The following TRAF3 variants were observed in gnomAD, a reference collection of about 807,000 sequenced individuals.
TRAF3 encodes TNF receptor associated factor 3, also known as TNF receptor-associated factor 3.
In TRAF3, 13 loss-of-function variants were observed where a neutral mutation model predicts 62.3. The ratio of observed to expected loss-of-function variants is 0.21; its 90% confidence interval spans 0.14 to 0.33. The LOEUF (loss-of-function observed/expected upper bound fraction) is 0.33. Among genes scored for constraint, TRAF3 ranks in the 10% least tolerant of loss-of-function variants. The probability of loss-of-function intolerance (pLI) is 1.00; values close to 1 mark genes in which losing one functional copy is unlikely to be tolerated. For synonymous variants in TRAF3, 269 were observed against 283.4 expected (o/e 0.95, Z 0.51); for missense variants, 440 against 741.8 (o/e 0.59, Z 4.73).
chr14:102,833,282 A>T (rs1035806534), intron 2 of TRAF3, among the ~76,000 whole-genome samples: 1 of 152,178 alleles, frequency 6.6e-6, no homozygotes, highest in African/African-American at 2.4e-5. Context: ...TGGATGATCT[A>T]CCCTTTCCTT....
Position 102,906,055 on chromosome 14 carries a change from TC to T in TRAF3, c.*272del. On this transcript the variant is annotated 3_prime_UTR_variant, in exon 12 of 12. Coordinates refer to ENST00000392745, the MANE Select transcript of TRAF3 (RefSeq NM_145725.3). ...AGGTTTTCATTTTCATTTTTAAAGA[TC>T]TAGTTAATTAAGGTGGAAAACATAT... The T allele has an allele frequency of 2.6e-6, 1 of 389,238 alleles. No individual in the cohort carries two copies. The highest frequency in any genetic ancestry group is 4.9e-5 in the South Asian group (1 of 20,518). 24.1% of individuals were successfully genotyped at this position (389,238 alleles called of 1,614,324 possible).
intron 6 of TRAF3, among the ~76,000 whole-genome samples, chr14:102,881,047 C>T (rs1040969553): frequency 6.6e-6 from 1 of 151,888 alleles, no homozygotes; most frequent in Non-Finnish European, 1.5e-5. Flanking sequence ...GACCCAAGAT[C>T]ATGCACTCCA....
chr14:102,888,418 C>T (rs765035665), intron 7 of TRAF3, among the ~76,000 whole-genome samples: 93 of 152,178 alleles, frequency 6.1e-4, no homozygotes, highest in East Asian at 1.9e-3. Flanking sequence ...AGTCCCTTCC[C>T]GCAGTGTCCC....
intron 1 of TRAF3, among the ~76,000 whole-genome samples, chr14:102,811,632 T>C (rs530601946): frequency 5.5e-4 from 81 of 146,694 alleles, no homozygotes; most frequent in African/African-American, 1.8e-3. Context: ...GCAAAGGCGA[T>C]GAAGGCCTTC....
At chr14:102,782,061 T>C (rs1416074128) in intron 1 of TRAF3, among the ~76,000 whole-genome samples, 1 of 152,104 alleles carries the variant, frequency 6.6e-6, no homozygotes, top group Non-Finnish European at 1.5e-5. Context: ...CCCAAAGTGC[T>C]GGGATTACAG....
intron 1 of TRAF3, among the ~76,000 whole-genome samples, chr14:102,781,063 C>T (rs986216485): frequency 7.2e-5 from 11 of 152,148 alleles, no homozygotes; most frequent in Non-Finnish European, 1.3e-4. Flanking sequence ...ATTCTGGAAG[C>T]GTGGTGGGAA....
At chr14:102,900,047 T>TG (rs1890199929) in intron 10 of TRAF3, among the ~76,000 whole-genome samples, 1 of 146,522 alleles carries the variant, frequency 6.8e-6, no homozygotes, top group Non-Finnish European at 1.5e-5. Context: ...GGTGCGGTGG[T>TG]GGGCGCCTGT....
At chr14:102,899,259 G>A (rs1211643292) in intron 10 of TRAF3, among the ~76,000 whole-genome samples, 1 of 152,186 alleles carries the variant, frequency 6.6e-6, no homozygotes, top group African/African-American at 2.4e-5. Flanking sequence ...TCCATCCTCA[G>A]GAAATGCTGA....
At chr14:102,804,261 C>T (rs1309390213) in intron 1 of TRAF3, among the ~76,000 whole-genome samples, 2 of 152,074 alleles carry the variant, frequency 1.3e-5, no homozygotes, top group African/African-American at 2.4e-5. Flanking sequence ...TCCCTTTTCT[C>T]TGTAGAGACT....
At chr14:102,841,943 A>G (rs1886395455) in intron 2 of TRAF3, among the ~76,000 whole-genome samples, 2 of 152,200 alleles carry the variant, frequency 1.3e-5, no homozygotes, top group Admixed American at 1.3e-4. Context: ...ATGAAAATAG[A>G]ATATATACAA....
intron 1 of TRAF3, among the ~76,000 whole-genome samples, chr14:102,820,412 C>A (rs1899826838): frequency 6.6e-6 from 1 of 151,772 alleles, no homozygotes; most frequent in African/African-American, 2.4e-5. Context: ...GCCCTCTTAG[C>A]TGGGCCTAGA....
At chr14:102,792,450 T>TC (rs1566738938) in intron 1 of TRAF3, among the ~76,000 whole-genome samples, 1 of 141,968 alleles carries the variant, frequency 7.0e-6, no homozygotes. Flanking sequence ...TTTTTTTTTT[T>TC]TTTTAGTGAT....
Position 102,879,700 on chromosome 14 carries a change from G to A in TRAF3, c.570+3175G>A, listed in dbSNP as rs187449719. ...AATGGCAAAAACGGCAATTACTTTT[G>A]CACCAACTAAATACTTTATAATCTC... On this transcript the variant is annotated intron_variant, in intron 6 of 11. Coordinates refer to ENST00000392745, the MANE Select transcript of TRAF3 (RefSeq NM_145725.3). Among the ~76,000 whole-genome samples, 56 of 148,490 alleles carry A rather than the reference G, an allele frequency of 3.8e-4. No homozygotes were observed. The Middle Eastern group carries it at 0.014, about 36-fold the overall frequency.
chr14:102,782,517 G>A (rs975320005), intron 1 of TRAF3, among the ~76,000 whole-genome samples: 2 of 152,154 alleles, frequency 1.3e-5, no homozygotes, highest in Admixed American at 1.3e-4. Flanking sequence ...ACAGGCGTGA[G>A]CCACCGCACC....
intron 2 of TRAF3, among the ~76,000 whole-genome samples, chr14:102,855,044 T>C (rs1381604623): frequency 6.6e-6 from 1 of 152,170 alleles, no homozygotes; most frequent in Non-Finnish European, 1.5e-5. Flanking sequence ...CTTTCTGTCT[T>C]GTGGATTTCC....
At chr14:102,822,207 A>G (rs1453261198) in intron 1 of TRAF3, among the ~76,000 whole-genome samples, 3 of 152,244 alleles carry the variant, frequency 2.0e-5, no homozygotes, top group Non-Finnish European at 2.9e-5. Flanking sequence ...GATTTTCCAC[A>G]GAAATATGTT....
intron 1 of TRAF3, among the ~76,000 whole-genome samples, chr14:102,825,969 G>A (rs769941604): frequency 3.3e-5 from 5 of 152,304 alleles, no homozygotes; most frequent in Middle Eastern, 3.4e-3. Flanking sequence ...AGGAATTTAC[G>A]CGGAGGCATG....
chr14:102,893,984 T>A (rs908442406), intron 9 of TRAF3, among the ~76,000 whole-genome samples: 3 of 152,244 alleles, frequency 2.0e-5, no homozygotes, highest in African/African-American at 7.2e-5. Flanking sequence ...TTTCTTAGGT[T>A]ATTTTGTTCA....
intron 1 of TRAF3, among the ~76,000 whole-genome samples, chr14:102,804,787 C>G (rs1898669608): frequency 6.6e-6 from 1 of 152,174 alleles, no homozygotes; most frequent in Non-Finnish European, 1.5e-5. Context: ...ACACCTAACC[C>G]TGTTCTTGAT....
Sources: gnomAD v4.1 joint callset for allele counts (sites outside exome capture counted in the v4.1 genomes callset) on GRCh38, gnomAD v4.1.1 for gene constraint, MANE v1.5 for transcripts, NCBI Gene and HGNC (gene_info 2026-07-23, HGNC 2026-07-21) for gene names.